Variants in ZNRF3 observed in about 807,000 individuals in gnomAD.
ZNRF3 encodes the protein zinc and ring finger 3.
ZNRF3 carries 23 observed loss-of-function variants against 72.5 expected under a neutral mutation model. That is an observed-to-expected ratio of 0.32 (90% CI 0.23 to 0.45). ZNRF3 has a LOEUF of 0.45. ZNRF3 is among the 20% of genes least tolerant of loss of function. The pLI is 1.00. For missense variants in ZNRF3, 1,169 were observed against 1,272.1 expected (o/e 0.92, Z 1.23); for synonymous variants, 610 against 545.3 (o/e 1.12, Z -1.65).
chr22:29,025,999 G>A (rs934019998), intron 2 of ZNRF3: 1 of 152,256 alleles, frequency 6.6e-6, no homozygotes, highest in Non-Finnish European at 1.5e-5. Flanking sequence ...AGCATTAGCT[G>A]TCGGGCTGAG....
At chr22:28,995,098 C>G (rs530533065) in intron 2 of ZNRF3, among the ~76,000 whole-genome samples, 78 of 152,352 alleles carry the variant, frequency 5.1e-4, no homozygotes, top group African/African-American at 1.9e-3. Flanking sequence ...TTGTTATCCT[C>G]TCTTCATGAC....
chr22:28,937,787 T>C (rs2034868093), intron 1 of ZNRF3, among the ~76,000 whole-genome samples: 1 of 152,236 alleles, frequency 6.6e-6, no homozygotes, highest in Admixed American at 6.5e-5. Context: ...TAGGGTATAA[T>C]GAATATATTC....
In ZNRF3 at chr22:29,056,216, C is replaced by T. The variant is rs1196748528; in HGVS notation, c.*2594C>T. 2 of 152,210 alleles carry T rather than the reference C, an allele frequency of 1.3e-5. No homozygotes were observed. The highest frequency in any genetic ancestry group is 2.4e-5 in the African/African-American group (1 of 41,446). 9.4% of individuals were successfully genotyped at this position (152,210 alleles called of 1,614,324 possible). ...TCCCGGGTCCAAGTGATTCTCCTGC[C>T]TCAGCCTCCCAAGTAGCTGGGATTA... On this transcript the variant is annotated 3_prime_UTR_variant, in exon 9 of 9. Transcript: ENST00000544604.
chr22:29,027,587 A>T (rs1327515515), intron 2 of ZNRF3, among the ~76,000 whole-genome samples: 2 of 152,124 alleles, frequency 1.3e-5, no homozygotes, highest in Non-Finnish European at 2.9e-5. Flanking sequence ...GCATTCCGAC[A>T]TACCACTGGG....
At chr22:28,955,032 G>GT (rs372334361) in intron 1 of ZNRF3, among the ~76,000 whole-genome samples, 77,192 of 136,992 alleles carry the variant, frequency 0.56, 22,872 homozygotes, top group Non-Finnish European at 0.68. Flanking sequence ...TATTTTTGGT[G>GT]TTTTTTTTTT....
intron 1 of ZNRF3, among the ~76,000 whole-genome samples, chr22:28,946,896 C>A (rs2035062052): frequency 3.3e-5 from 5 of 152,106 alleles, no homozygotes; most frequent in Admixed American, 2.0e-4. Flanking sequence ...ACCTGACAGG[C>A]CTTACGCTTC....
At chr22:28,888,994 A>T (rs1180876408) in intron 1 of ZNRF3, among the ~76,000 whole-genome samples, 2 of 152,188 alleles carry the variant, frequency 1.3e-5, no homozygotes. Flanking sequence ...ACATGCCTGT[A>T]ATCCCAGCTA....
At chr22:29,011,724 C>A (rs920135893) in intron 2 of ZNRF3, among the ~76,000 whole-genome samples, 2 of 152,204 alleles carry the variant, frequency 1.3e-5, no homozygotes, top group African/African-American at 4.8e-5. Flanking sequence ...GAGGAACCAA[C>A]CTGCTGGGAG....
intron 1 of ZNRF3, among the ~76,000 whole-genome samples, chr22:28,922,239 G>A (rs1405766148): frequency 3.3e-5 from 5 of 152,024 alleles, no homozygotes; most frequent in Non-Finnish European, 7.4e-5. Context: ...ACTTTAAATC[G>A]GGTTACTTGA....
chr22:29,049,967 C>G lies in ZNRF3; in HGVS notation c.1786C>G (p.Pro596Ala), dbSNP rs539100429. 1 of 1,612,336 alleles carries G rather than the reference C, an allele frequency of 6.2e-7. No homozygotes were observed. Among genetic ancestry groups the G allele is most frequent in the Admixed American group, 1.7e-5 (1 of 59,954 alleles). ...CAGCTCCCTCAGCAGCGACTATGACCCCTTCATCTACCGCAGCCGGAGCCC... is the reference window on the plus strand; with the variant it reads ...CAGCTCCCTCAGCAGCGACTATGACGCCTTCATCTACCGCAGCCGGAGCCC... ...FRSSLSSDYD[P>A]FIYRSRSPCR... The change falls in exon 8 of 9, where the codon CCC becomes GCC. Residue 596 changes from proline to alanine, a missense_variant. By Grantham distance (27) the Pro-to-Ala change is conservative (BLOSUM62 -1). Around this residue, in one of 2 missense-constraint regions of ZNRF3, gnomAD observed 783 missense variants for 731.4 expected, o/e 1.07. Transcript: ENST00000544604. The surrounding 1 kb of genome is among the most constrained non-coding windows in gnomAD (Gnocchi z 5.2).
At chr22:28,943,130 G>A (rs2034978419) in intron 1 of ZNRF3, among the ~76,000 whole-genome samples, 1 of 152,128 alleles carries the variant, frequency 6.6e-6, no homozygotes, top group Non-Finnish European at 1.5e-5. Context: ...CAGGTTTTAT[G>A]TTCCACTGGG....
At chr22:28,933,244 G>C (rs572387969) in intron 1 of ZNRF3, among the ~76,000 whole-genome samples, 2 of 152,262 alleles carry the variant, frequency 1.3e-5, no homozygotes, top group East Asian at 3.9e-4. Flanking sequence ...ATTGGAATCT[G>C]CTTTTAAACA....
At chr22:28,885,626 G>C (rs530091311) in intron 1 of ZNRF3, among the ~76,000 whole-genome samples, 189 of 148,916 alleles carry the variant, frequency 1.3e-3, no homozygotes, top group Non-Finnish European at 2.4e-3. Context: ...ACGCTCTAGC[G>C]TGGCACTTGA....
chr22:28,993,832 G>A (rs2065295029), intron 2 of ZNRF3, among the ~76,000 whole-genome samples: 1 of 152,126 alleles, frequency 6.6e-6, no homozygotes, highest in Non-Finnish European at 1.5e-5. Context: ...ACAGGTGTGT[G>A]CCACCACACC....
chr22:29,021,187 T>C (rs2036531996), intron 2 of ZNRF3, among the ~76,000 whole-genome samples: 1 of 151,814 alleles, frequency 6.6e-6, no homozygotes, highest in South Asian at 2.1e-4. Context: ...TGAGCCAAGG[T>C]TGTGCCATCG....
In ZNRF3 at chr22:29,050,016, G is replaced by T. The variant is rs752103932; in HGVS notation, c.1835G>T (p.Gly612Val). The T allele has an allele frequency of 7.5e-6, 12 of 1,610,406 alleles. No homozygotes were observed. The highest frequency in any genetic ancestry group is 1.0e-5 in the Non-Finnish European group (12 of 1,178,942). The part of the protein sequence containing the change: ...RSPCRASEAG[G>V]SGSSGRGPAL... ...CCCTGTCGTGCCAGTGAGGCGGGGG[G>T]CTCGGGCAGCTCGGGCCGGGGACCT... The change falls in exon 8 of 9, where the codon GGC becomes GTC. Residue 612 changes from glycine to valine, a missense_variant. This residue lies in a region of ZNRF3 where 783 missense variants were observed against 731.4 expected (regional missense o/e 1.07). Coordinates refer to ENST00000544604, the MANE Select transcript of ZNRF3 (RefSeq NM_001206998.2).
At chr22:28,954,860 C>T (rs2035227093) in intron 1 of ZNRF3, among the ~76,000 whole-genome samples, 1 of 151,864 alleles carries the variant, frequency 6.6e-6, no homozygotes, top group Non-Finnish European at 1.5e-5. Flanking sequence ...AGGGATTCTC[C>T]CACCTTGTCC....
At chr22:28,941,006 T>A (rs73882405) in intron 1 of ZNRF3, among the ~76,000 whole-genome samples, 1 of 152,166 alleles carries the variant, frequency 6.6e-6, no homozygotes, top group Non-Finnish European at 1.5e-5. Context: ...TTCTCTGGCA[T>A]GTTTAGTGAC....
At chr22:29,037,338 C>T (rs1277496100) in intron 2 of ZNRF3, among the ~76,000 whole-genome samples, 1 of 152,148 alleles carries the variant, frequency 6.6e-6, no homozygotes, top group Non-Finnish European at 1.5e-5. Flanking sequence ...TTTTCCCACC[C>T]ACAAAGTGGT....
Sources: gnomAD v4.1 joint callset for allele counts (sites outside exome capture counted in the v4.1 genomes callset) on GRCh38, gnomAD v4.1.1 for gene constraint, gnomAD v4.1.1 regional missense constraint, Gnocchi (gnomAD v3.1) non-coding constraint, MANE v1.5 for transcripts, NCBI Gene and HGNC (gene_info 2026-07-23, HGNC 2026-07-21) for gene names.